Variants in MARCO observed in about 807,000 individuals in gnomAD.
MARCO encodes macrophage receptor with collagenous structure, also known as macrophage receptor MARCO.
A neutral mutation model predicts 70.0 loss-of-function variants in MARCO; 72 were observed. The observed-to-expected ratio is 1.03, with a 90% CI of 0.85 to 1.25. MARCO has a LOEUF of 1.25. Among genes scored for constraint, MARCO ranks in the 50% most tolerant of loss-of-function variants. The pLI is 0.00. For synonymous variants in MARCO, 273 were observed against 243.1 expected (o/e 1.12, Z -1.14); for missense variants, 696 against 659.3 (o/e 1.06, Z -0.61).
At chr2:118,991,651 A>C in intron 13 of MARCO, 126 bp from the exon 14 acceptor site, 1 of 585,334 alleles carries the variant, frequency 1.7e-6, no homozygotes. Flanking sequence ...CTGAACATTC[A>C]GATAGCCCAG....
At chr2:118,966,599 C>A (rs1680056079) in intron 1 of MARCO, among the ~76,000 whole-genome samples, 1 of 152,200 alleles carries the variant, frequency 6.6e-6, no homozygotes, top group Admixed American at 6.5e-5. Flanking sequence ...TATCCATGAA[C>A]TACTGTCACA....
chr2:118,948,084 G>GTGTTAGAAATACCAAAAT (rs1421649652), intron 1 of MARCO, among the ~76,000 whole-genome samples: 2 of 151,956 alleles, frequency 1.3e-5, no homozygotes, highest in East Asian at 3.8e-4. Flanking sequence ...ATTTTCTTTG[G>GTGTTAGAAATACCAAAAT]TGTTAGAAAT....
At position 118,970,095 on chromosome 2, in the gene MARCO, G is replaced by A. The variant is rs1158862676; in HGVS notation, c.200-19G>A. 1.2e-6 allele frequency: 2 copies of A among 1,604,992 alleles called. No individual in the cohort carries two copies. On this transcript the variant is annotated intron_variant, in intron 2 of 16. Coordinates refer to ENST00000327097, the MANE Select transcript of MARCO (RefSeq NM_006770.4). Reference sequence around the variant, plus strand: ...CAAATGCCTCAGTCCCTAAAAGAATGCTGTGGGGTGGGGCCCAGTTCTGAA... The same window carrying A: ...CAAATGCCTCAGTCCCTAAAAGAATACTGTGGGGTGGGGCCCAGTTCTGAA...
intron 8 of MARCO, among the ~76,000 whole-genome samples, chr2:118,980,253 G>A (rs1021677271): frequency 3.9e-5 from 6 of 152,218 alleles, no homozygotes; most frequent in East Asian, 1.9e-4. Context: ...GCCAAGAACA[G>A]CCTCCTCTGC....
chr2:118,974,536 A>G lies in MARCO; in HGVS notation c.584A>G (p.Gln195Arg). ...TCCCTTCCAGGCCCCTCGGGACCCC[A>G]AGGCCCACCGGGAGTCAAGGGAGAG... ...RDGATGPSGP[Q>R]GPPGVKGEAG... The change falls in exon 6 of 17, where the codon CAA becomes CGA. Residue 195 changes from glutamine to arginine, a missense_variant. Around this residue, in one of 3 missense-constraint regions of MARCO, gnomAD observed 605 missense variants for 537.6 expected, o/e 1.13. Transcript: ENST00000327097. 6.2e-7 allele frequency: 1 copy of G among 1,613,742 alleles called. No individual in the cohort carries two copies. The highest frequency in any genetic ancestry group is 8.5e-7 in the Non-Finnish European group (1 of 1,179,918).
intron 1 of MARCO, among the ~76,000 whole-genome samples, chr2:118,959,820 C>A (rs1435414347): frequency 6.6e-6 from 1 of 152,118 alleles, no homozygotes; most frequent in Admixed American, 6.6e-5. Flanking sequence ...TTTCAGTGAC[C>A]TGGATGAGAT....
At chr2:118,991,748 C>T (rs776508513) in intron 13 of MARCO, 29 bp from the exon 14 acceptor site, 2 of 1,422,416 alleles carry the variant, frequency 1.4e-6, no homozygotes, top group Non-Finnish European at 9.6e-7. Context: ...AAGCAGGGCA[C>T]CTGATCAGGG....
At chr2:118,974,670 G>T (rs1472329186) in intron 6 of MARCO, 105 bp downstream of exon 6, 5 of 1,104,838 alleles carry the variant, frequency 4.5e-6, no homozygotes. Flanking sequence ...ACCTCTGAGG[G>T]GTCTGTAGGT....
At position 118,992,320 on chromosome 2, in the gene MARCO, C is replaced by T. The variant is rs531578951; in HGVS notation, c.1208-112C>T. ...AATGCCAGGCCACAGGCGAGACCCA[C>T]GGAGCATCTGACCACTCCCAACCCT... On this transcript the variant is annotated intron_variant, in intron 14 of 16. Transcript: ENST00000327097. 4.7e-4 allele frequency: 378 copies of T among 800,220 alleles called. 6 individuals are homozygous for T. The South Asian group carries it at 5.1e-3, about 11-fold the overall frequency. 49.6% of individuals were successfully genotyped at this position (800,220 alleles called of 1,614,324 possible). A position where few individuals can be genotyped will look rare whatever the true frequency, so the allele number is the denominator to read the frequency against.
chr2:118,982,180 C>A lies in MARCO; in HGVS notation c.926C>A (p.Pro309Gln). ...DQGQPGLQGV[P>Q]GPPGAVGHPG... ...GGACAACCTGGACTGCAGGGTGTTCCGGGCCCTCCTGGTGCAGTGGGACAC... is the reference window on the plus strand; with the variant it reads ...GGACAACCTGGACTGCAGGGTGTTCAGGGCCCTCCTGGTGCAGTGGGACAC... The change falls in exon 11 of 17, where the codon CCG (proline) becomes CAG (glutamine). Residue 309 changes from proline (P) to glutamine (Q), a missense_variant. Coordinates refer to ENST00000327097, the MANE Select transcript of MARCO (RefSeq NM_006770.4). 1 of 1,612,552 alleles carries A rather than the reference C, an allele frequency of 6.2e-7. No homozygotes were observed. Among genetic ancestry groups the A allele is most frequent in the South Asian group, 1.1e-5 (1 of 90,996 alleles).
rs746095690 is a variant in MARCO at position 118,977,873 on chromosome 2, G to T, written c.704G>T (p.Gly235Val). The change falls in exon 8 of 17, where the codon GGT becomes GTT. Residue 235 changes from glycine to valine, a missense_variant. Around this residue, in one of 3 missense-constraint regions of MARCO, gnomAD observed 605 missense variants for 537.6 expected, o/e 1.13. Transcript: ENST00000327097. ...GAGAAGGGCAGCAAAGGCGATGGGGGTCTCATTGGCCCAAAAGGGGAAACT... is the reference window on the plus strand; with the variant it reads ...GAGAAGGGCAGCAAAGGCGATGGGGTTCTCATTGGCCCAAAAGGGGAAACT... Reference protein sequence around the residue: ...QGEKGSKGDGGLIGPKGETGT... With the variant: ...QGEKGSKGDGVLIGPKGETGT... 6.8e-6 allele frequency: 11 copies of T among 1,613,116 alleles called. No homozygotes were observed. The highest frequency in any genetic ancestry group is 1.7e-5 in the Admixed American group (1 of 59,936).
At chr2:118,945,739 CA>C (rs1679586288) in intron 1 of MARCO, among the ~76,000 whole-genome samples, 5 of 152,288 alleles carry the variant, frequency 3.3e-5, no homozygotes, top group South Asian at 2.1e-4. Context: ...TCCAATCTCT[CA>C]ACTACTTCAG....
intron 14 of MARCO, 125 bp from the exon 15 acceptor site, chr2:118,992,307 C>T: frequency 1.4e-6 from 1 of 719,732 alleles, no homozygotes; most frequent in Non-Finnish European, 2.4e-6. Context: ...TGCCAGGCCA[C>T]AGGCGAGACC....
At chr2:118,950,831 T>C (rs1437629502) in intron 1 of MARCO, among the ~76,000 whole-genome samples, 1 of 152,104 alleles carries the variant, frequency 6.6e-6, no homozygotes, top group Non-Finnish European at 1.5e-5. Flanking sequence ...ATAGCCATTC[T>C]TTTCCAAAGT....
At chr2:118,990,566 C>CA (rs1299637799) in intron 12 of MARCO, 23 bp from the exon 13 acceptor site, 2 of 1,563,064 alleles carry the variant, frequency 1.3e-6, no homozygotes, top group African/African-American at 2.7e-5. Flanking sequence ...TCCTCCCCCC[C>CA]CCCTTTTTTG....
chr2:118,993,064 C>T, intron 15 of MARCO, 60 bp from the exon 16 acceptor site: 1 of 1,445,354 alleles, frequency 6.9e-7, no homozygotes, highest in South Asian at 1.2e-5. Context: ...AAAGAGCCCG[C>T]ACTTACCCAA....
chr2:118,969,894 C>T (rs536152400), intron 2 of MARCO, among the ~76,000 whole-genome samples: 8 of 152,266 alleles, frequency 5.3e-5, no homozygotes, highest in African/African-American at 1.2e-4. Flanking sequence ...CTTTAGGCCA[C>T]GCAGAAATGT....
Position 118,981,505 on chromosome 2 carries a change from C to A in MARCO, c.863C>A (p.Pro288Gln). ...GGTGACTTCGGGAGGCCAGGCCCAC[C>A]AGGTAAGAGGGCACGTGGTCACATC... The part of the protein sequence containing the change: ...SKGDFGRPGP[P>Q]GLAGFPGAKG... Residue 288 changes from proline to glutamine, a missense_variant and splice_region_variant, in exon 9 of 17, where the codon CCA becomes CAA. Pro to Gln is a moderately conservative substitution (Grantham distance 76). Coordinates refer to ENST00000327097, the MANE Select transcript of MARCO (RefSeq NM_006770.4). 2 of 1,599,632 alleles carry A rather than the reference C, an allele frequency of 1.3e-6. No individual in the cohort carries two copies. Among genetic ancestry groups the A allele is most frequent in the Non-Finnish European group, 8.5e-7 (1 of 1,176,110 alleles).
intron 16 of MARCO, 36 bp from the exon 17 acceptor site, chr2:118,994,351 C>A (rs1309705311): frequency 4.3e-6 from 7 of 1,613,484 alleles, no homozygotes; most frequent in Non-Finnish European, 5.9e-6. Context: ...CTAATCCTAC[C>A]CTTCTTCCTC....
Sources: allele counts gnomAD v4.1 joint callset (sites outside exome capture counted in the v4.1 genomes callset), GRCh38; gene constraint gnomAD v4.1.1; regional missense constraint gnomAD v4.1.1; transcripts MANE v1.5; gene names NCBI Gene and HGNC (gene_info 2026-07-23, HGNC 2026-07-21).